Variants in SLC22A25 observed in about 807,000 individuals in gnomAD.
SLC22A25 encodes MGI:2442751, MGI:2385316, MGI:3042283, MGI:3645714, MGI:3605624, MGI:2442750.
Under a neutral mutation model 45.9 loss-of-function variants are expected in SLC22A25, and 44 were observed. The ratio of observed to expected loss-of-function variants is 0.96; its 90% confidence interval spans 0.75 to 1.23. The LOEUF (loss-of-function observed/expected upper bound fraction) is 1.23, where lower values mean the gene tolerates loss of function less well. Among genes scored for constraint, SLC22A25 ranks in the 50% most tolerant of loss-of-function variants. The pLI is 0.00. For synonymous variants in SLC22A25, 283 were observed against 238.6 expected, an observed-to-expected ratio of 1.19 and a Z score of -1.72; for missense variants, 800 against 666.4, an observed-to-expected ratio of 1.20 and a Z score of -2.21.
At chr11:63,190,078 T>C (rs908672042) in intron 7 of SLC22A25, among the ~76,000 whole-genome samples, 3 of 152,168 alleles carry the variant, frequency 2.0e-5, no homozygotes, top group Non-Finnish European at 2.9e-5. Flanking sequence ...TTTCCTGAAT[T>C]TGAATGTTGG....
intron 7 of SLC22A25, among the ~76,000 whole-genome samples, chr11:63,199,636 C>G (rs376884740): frequency 6.6e-6 from 1 of 152,050 alleles, no homozygotes; most frequent in African/African-American, 2.4e-5. Flanking sequence ...AAGTAGCTCA[C>G]TTTGTGTGTT....
intron 9 of SLC22A25, chr11:63,167,270 G>GT (rs35794428): frequency 9.3e-4 from 140 of 149,972 alleles, no homozygotes; most frequent in Middle Eastern, 6.8e-3. Context: ...AGCTGCAGGA[G>GT]TTTTTTTTTT....
At chr11:63,232,259 C>A (rs966766654) in intron 3 of SLC22A25, among the ~76,000 whole-genome samples, 5 of 152,156 alleles carry the variant, frequency 3.3e-5, no homozygotes, top group African/African-American at 1.2e-4. Context: ...TTCTTCCTAC[C>A]CGTGAGCATG....
chr11:63,179,256 C>G (rs2088231807), intron 9 of SLC22A25, among the ~76,000 whole-genome samples: 1 of 151,920 alleles, frequency 6.6e-6, no homozygotes, highest in African/African-American at 2.4e-5. Context: ...TGTGCCTGGT[C>G]TATATCTCTC....
rs572661304 is a variant in SLC22A25 at position 63,236,277 on chromosome 11, G to A, written c.-445+1604C>T. ...AGAAGCAGGCAGGCCTCCTTGAGAT[G>A]TGGTGGGCTCCACCCAGTTCGAGCT... On this transcript the variant is annotated intron_variant, in intron 3 of 11. Transcript: ENST00000306494. Among the ~76,000 whole-genome samples the A allele has an allele frequency of 5.3e-5, 8 of 152,358 alleles. No individual in the cohort carries two copies. The South Asian group carries it at 1.4e-3, about 28-fold the overall frequency.
chr11:63,164,005 A>G lies in SLC22A25; in HGVS notation c.1463T>C (p.Ile488Thr). The G allele has an allele frequency of 6.2e-7, 1 of 1,613,726 alleles. No homozygotes were observed. Among genetic ancestry groups the G allele is most frequent in the Non-Finnish European group, 8.5e-7 (1 of 1,179,814 alleles). Residue 488 changes from isoleucine (I) to threonine (T), a missense_variant, in exon 12 of 12, where the codon ATC becomes ACC. Physicochemically the swap from Ile to Thr is moderately conservative, Grantham distance 89. Transcript: ENST00000306494. The part of the protein sequence containing the change: ...IGGALASLMM[I>T]LSIYSRPLPW... The stretch of plus-strand genomic sequence containing the variant: ...CAGGGGTCGAGAATATATGCTTAGG[A>G]TCATCATGAGGGAAGCCAGGGCTCC...
chr11:63,165,844 G>A (rs563031581), intron 10 of SLC22A25, among the ~76,000 whole-genome samples, 200 bp downstream of exon 10: 2 of 152,228 alleles, frequency 1.3e-5, no homozygotes, highest in Non-Finnish European at 2.9e-5. Context: ...CCATATATCC[G>A]AGCCAATCTT....
At chr11:63,219,547 T>C (rs1160271643) in intron 5 of SLC22A25, among the ~76,000 whole-genome samples, 1 of 152,216 alleles carries the variant, frequency 6.6e-6, no homozygotes, top group Non-Finnish European at 1.5e-5. Context: ...TATTTATTCA[T>C]TCTATTATTA....
chr11:63,234,735 ATGG>A (rs1347210895), intron 3 of SLC22A25, among the ~76,000 whole-genome samples: 8 of 152,126 alleles, frequency 5.3e-5, no homozygotes, highest in Non-Finnish European at 8.8e-5. Flanking sequence ...CCTAGCCTTG[ATGG>A]TCTTTACAAT....
At chr11:63,197,155 A>C (rs2089068039) in intron 7 of SLC22A25, among the ~76,000 whole-genome samples, 1 of 152,230 alleles carries the variant, frequency 6.6e-6, no homozygotes, top group South Asian at 2.1e-4. Flanking sequence ...AGGAAGAATC[A>C]GTATCGTGAA....
At chr11:63,175,825 G>GTATATATATATATATATATATATATA (rs5792280) in intron 9 of SLC22A25, among the ~76,000 whole-genome samples, 11 of 150,322 alleles carry the variant, frequency 7.3e-5, no homozygotes, top group African/African-American at 2.4e-4. Flanking sequence ...AATTGGGTGT[G>GTATATATATATATATATATATATATA]TATATATATA....
chr11:63,214,961 G>A (rs950592961), intron 7 of SLC22A25, among the ~76,000 whole-genome samples: 3 of 152,084 alleles, frequency 2.0e-5, no homozygotes, highest in African/African-American at 7.2e-5. Flanking sequence ...TGGACAAATA[G>A]GAACACTTTT....
At chr11:63,221,058 C>T (rs1298731236) in intron 5 of SLC22A25, among the ~76,000 whole-genome samples, 4 of 152,160 alleles carry the variant, frequency 2.6e-5, no homozygotes, top group Non-Finnish European at 5.9e-5. Flanking sequence ...CAAATCTTGG[C>T]TATTGTGAAT....
chr11:63,181,372 C>T (rs1001333800), intron 8 of SLC22A25, among the ~76,000 whole-genome samples: 12 of 151,362 alleles, frequency 7.9e-5, no homozygotes, highest in African/African-American at 2.9e-4. Context: ...AGGTATATCT[C>T]CTAATGCTAT....
At chr11:63,202,533 C>G (rs779010398) in intron 7 of SLC22A25, among the ~76,000 whole-genome samples, 11 of 152,270 alleles carry the variant, frequency 7.2e-5, no homozygotes, top group Non-Finnish European at 1.2e-4. Context: ...AACAAAGACA[C>G]AAGGAAATTT....
At position 63,166,076 on chromosome 11, in the gene SLC22A25, G is replaced by A. The variant is rs151029409; in HGVS notation, c.1253C>T (p.Thr418Ile). ...CACAAATATGATGGCCAGAAGGCAG[G>A]TTGCCAGTAGGAACATGAGAAGCAT... is the stretch of plus-strand genomic sequence containing the variant. Reference protein sequence around the residue: ...SQMLLMFLLATCLLAIIFVPQ... With the variant: ...SQMLLMFLLAICLLAIIFVPQ... The change falls in exon 10 of 12, where the codon ACC becomes ATC. Residue 418 changes from threonine to isoleucine, a missense_variant. By Grantham distance (89) the Thr-to-Ile change is moderately conservative. Transcript: ENST00000306494. 1.2e-6 allele frequency: 2 copies of A among 1,613,850 alleles called. No homozygotes were observed. Among genetic ancestry groups the A allele is most frequent in the Non-Finnish European group, 1.7e-6 (2 of 1,179,926 alleles).
chr11:63,209,295 G>A (rs2089494515), intron 7 of SLC22A25, among the ~76,000 whole-genome samples: 1 of 152,118 alleles, frequency 6.6e-6, no homozygotes, highest in Non-Finnish European at 1.5e-5. Context: ...AAAGAAAGCA[G>A]AGGAACCTAA....
chr11:63,203,411 A>T (rs1207226953), intron 7 of SLC22A25, among the ~76,000 whole-genome samples: 2 of 152,068 alleles, frequency 1.3e-5, no homozygotes, highest in African/African-American at 4.8e-5. Flanking sequence ...GAACCTTGAA[A>T]AAAGGATAGA....
chr11:63,229,848 T>A lies in SLC22A25; in HGVS notation c.-196A>T, dbSNP rs1412896995. ...TTCCTCAAGTAGTTTTGGGGTCAGG[T>A]AGGTATCTGTTTTCTTTAGGGTCAC... On this transcript the variant is annotated 5_prime_UTR_variant, in exon 4 of 12. Coordinates refer to ENST00000306494, the MANE Select transcript of SLC22A25 (RefSeq NM_199352.6). Among the ~76,000 whole-genome samples, 1 of 152,184 alleles carries A rather than the reference T, an allele frequency of 6.6e-6. No homozygotes were observed. The highest frequency in any genetic ancestry group is 2.1e-4 in the South Asian group (1 of 4,830).
Sources: gnomAD v4.1 joint callset for allele counts (sites outside exome capture counted in the v4.1 genomes callset) on GRCh38, gnomAD v4.1.1 for gene constraint, MANE v1.5 for transcripts, NCBI Gene and HGNC (gene_info 2026-07-23, HGNC 2026-07-21) for gene names.